Variants in VSTM2L observed in about 807,000 individuals in gnomAD.
VSTM2L encodes the protein V-set and transmembrane domain containing 2 like.
A neutral mutation model predicts 19.9 loss-of-function variants in VSTM2L; 9 were observed. That is an observed-to-expected ratio of 0.45 (90% CI 0.27 to 0.79). VSTM2L has a LOEUF of 0.79. Ranked by LOEUF, VSTM2L falls within the 30% of genes least tolerant of loss-of-function variation. VSTM2L has a pLI of 0.15. For synonymous variants in VSTM2L, 127 were observed against 133.8 expected (o/e 0.95, Z 0.35); for missense variants, 286 against 295.5 (o/e 0.97, Z 0.24).
chr20:37,933,962 G>A (rs1196135092), intron 3 of VSTM2L, among the ~76,000 whole-genome samples: 2 of 152,234 alleles, frequency 1.3e-5, no homozygotes, highest in African/African-American at 4.8e-5. Flanking sequence ...CCATCTCAGG[G>A]TCACTTGGTG....
chr20:37,918,859 G>A (rs189560852), intron 1 of VSTM2L, among the ~76,000 whole-genome samples: 144 of 152,256 alleles, frequency 9.5e-4, no homozygotes, highest in Non-Finnish European at 1.7e-3. Flanking sequence ...TTTCTCCTAG[G>A]ATCTTCTAGA....
chr20:37,940,932 C>T (rs779765431), intron 3 of VSTM2L, among the ~76,000 whole-genome samples: 18 of 152,206 alleles, frequency 1.2e-4, no homozygotes, highest in Admixed American at 5.2e-4. Flanking sequence ...ATCCACTCAC[C>T]TCCCACCAGG....
chr20:37,931,766 C>T lies in VSTM2L; in HGVS notation c.253C>T (p.Arg85Trp), dbSNP rs780749784. The change falls in exon 2 of 4, where the codon CGG becomes TGG. Residue 85 changes from arginine (R) to tryptophan (W), a missense_variant. Coordinates refer to ENST00000373461, the MANE Select transcript of VSTM2L (RefSeq NM_080607.3). ...CCAGTGGTGGTATGTACGGAGCCAC[C>T]GGGACTGGACCGACAAGCAGGCGTG... ...EIQWWYVRSH[R>W]DWTDKQAWAS... 3.1e-5 allele frequency: 50 copies of T among 1,613,812 alleles called. No homozygotes were observed. Among genetic ancestry groups the T allele is most frequent in the Admixed American group, 2.0e-4 (12 of 60,004 alleles).
At chr20:37,928,005 A>G (rs2072888052) in intron 1 of VSTM2L, among the ~76,000 whole-genome samples, 1 of 152,018 alleles carries the variant, frequency 6.6e-6, no homozygotes, top group Non-Finnish European at 1.5e-5. Context: ...TTCTGCAGCC[A>G]TTTCCCCACT....
chr20:37,933,893 G>A (rs2122970343), intron 3 of VSTM2L, among the ~76,000 whole-genome samples: 1 of 152,342 alleles, frequency 6.6e-6, no homozygotes, highest in Non-Finnish European at 1.5e-5. Context: ...GGGAACCAAT[G>A]AGGTCTGATG....
chr20:37,942,863 T>A (rs914435805), intron 3 of VSTM2L, among the ~76,000 whole-genome samples: 1 of 152,234 alleles, frequency 6.6e-6, no homozygotes, highest in Non-Finnish European at 1.5e-5. Flanking sequence ...ATAACAAACA[T>A]CCTTGCTCCC....
At chr20:37,933,709 G>A in intron 3 of VSTM2L, 120 bp downstream of exon 3, 3 of 989,360 alleles carry the variant, frequency 3.0e-6, no homozygotes, top group Admixed American at 2.7e-5. Context: ...AGAAGAAAAA[G>A]AGAAGGGAAA....
chr20:37,936,725 C>T (rs934436108), intron 3 of VSTM2L, among the ~76,000 whole-genome samples: 1 of 152,200 alleles, frequency 6.6e-6, no homozygotes, highest in African/African-American at 2.4e-5. Flanking sequence ...CTGGTTCCAG[C>T]TCTGCCACCT....
rs865801125 is a variant in VSTM2L, at chr20:37,944,126, T to C, written c.488T>C (p.Val163Ala). The C allele has an allele frequency of 1.2e-6, 2 of 1,611,162 alleles. No individual in the cohort carries two copies. The highest frequency in any genetic ancestry group is 1.7e-6 in the Non-Finnish European group (2 of 1,178,546). Residue 163 changes from valine to alanine, a missense_variant, in exon 4 of 4, where the codon GTG becomes GCG. Transcript: ENST00000373461. ...CACAAGGTCAAGGCCTACCTGCGGG[T>C]GCAGCCAGGGGAGAACTCCGTCCTG... is the stretch of plus-strand genomic sequence containing the variant. ...RHHKVKAYLRVQPGENSVLHL... is the reference protein window; with the variant it reads ...RHHKVKAYLRAQPGENSVLHL...
chr20:37,915,975 T>C (rs1004259685), intron 1 of VSTM2L, among the ~76,000 whole-genome samples: 2 of 152,184 alleles, frequency 1.3e-5, no homozygotes, highest in Admixed American at 1.3e-4. Flanking sequence ...CAGCCCTCAC[T>C]GTTCTTTCTC....
intron 1 of VSTM2L, among the ~76,000 whole-genome samples, chr20:37,918,244 G>A (rs373560896): frequency 6.6e-6 from 1 of 152,164 alleles, no homozygotes; most frequent in East Asian, 1.9e-4. Flanking sequence ...TTGGAGGTGG[G>A]AACTAGTGAT....
intron 1 of VSTM2L, among the ~76,000 whole-genome samples, chr20:37,906,390 G>T (rs1272850609): frequency 6.6e-6 from 1 of 152,238 alleles, no homozygotes. Context: ...CCTAGTAGGT[G>T]CTCAATAAAC....
chr20:37,904,729 G>A (rs191873055), intron 1 of VSTM2L, among the ~76,000 whole-genome samples: 1 of 152,320 alleles, frequency 6.6e-6, no homozygotes, highest in Admixed American at 6.5e-5. Context: ...GAGTGAGTGG[G>A]GGTAAGGCAG....
At chr20:37,942,069 C>T (rs901741799) in intron 3 of VSTM2L, among the ~76,000 whole-genome samples, 5 of 152,102 alleles carry the variant, frequency 3.3e-5, no homozygotes, top group Non-Finnish European at 5.9e-5. Context: ...ACTTTATATT[C>T]AGGGCAGATT....
intron 1 of VSTM2L, 137 bp from the exon 2 acceptor site, chr20:37,931,498 G>C: frequency 1.1e-6 from 1 of 929,454 alleles, no homozygotes; most frequent in Non-Finnish European, 1.6e-6. Context: ...TCCCACCAGC[G>C]GGCTTGCAGG....
At chr20:37,913,377 A>G (rs993747772) in intron 1 of VSTM2L, among the ~76,000 whole-genome samples, 57 of 152,340 alleles carry the variant, frequency 3.7e-4, no homozygotes, top group African/African-American at 1.3e-3. Flanking sequence ...GAGAGCAGTC[A>G]GGGCTGGCCT....
intron 1 of VSTM2L, among the ~76,000 whole-genome samples, chr20:37,928,590 C>T (rs904113775): frequency 1.3e-5 from 2 of 152,162 alleles, no homozygotes; most frequent in Admixed American, 6.5e-5. Flanking sequence ...CGTGTCTCTA[C>T]AAAAAATTTG....
At position 37,944,862 on chromosome 20, in the gene VSTM2L, C is replaced by T; in HGVS notation, c.*609C>T. On this transcript the variant is annotated 3_prime_UTR_variant, in exon 4 of 4. Transcript: ENST00000373461. The stretch of plus-strand genomic sequence containing the variant: ...CCTGGCGAGTCCTTCCTGTTCAGCT[C>T]CCTGTGCGACCCTCCAGGGATGCAG... The T allele has an allele frequency of 1.0e-6, 1 of 985,976 alleles. No individual in the cohort carries two copies. 61.1% of individuals were successfully genotyped at this position (985,976 alleles called of 1,614,324 possible).
chr20:37,913,465 C>T (rs1377622511), intron 1 of VSTM2L, among the ~76,000 whole-genome samples: 6 of 152,278 alleles, frequency 3.9e-5, no homozygotes, highest in African/African-American at 4.8e-5. Context: ...CCCTCTCATG[C>T]GAGCTGGGTG....
Sources: gnomAD v4.1 joint callset for allele counts (sites outside exome capture counted in the v4.1 genomes callset) on GRCh38, gnomAD v4.1.1 for gene constraint, MANE v1.5 for transcripts, NCBI Gene and HGNC (gene_info 2026-07-23, HGNC 2026-07-21) for gene names.